Variants in CNBD1 observed in about 807,000 individuals in gnomAD.
The protein encoded by CNBD1 is cyclic nucleotide binding domain containing 1.
Under a neutral mutation model 54.4 loss-of-function variants are expected in CNBD1, and 71 were observed. The ratio of observed to expected loss-of-function variants is 1.30; its 90% CI spans 1.08 to 1.59. CNBD1 has a LOEUF of 1.59. Among genes scored for constraint, CNBD1 ranks in the 40% most tolerant of loss-of-function variants. The probability of loss-of-function intolerance (pLI) is 0.00; values close to 1 mark genes in which losing one functional copy is unlikely to be tolerated. For synonymous variants in CNBD1, 182 were observed against 170.7 expected (o/e 1.07, Z -0.51); for missense variants, 659 against 518.0 (o/e 1.27, Z -2.64).
At chr8:87,177,409 G>T (rs1251990032) in intron 4 of CNBD1, among the ~76,000 whole-genome samples, 3 of 152,318 alleles carry the variant, frequency 2.0e-5, no homozygotes, top group African/African-American at 7.2e-5. Context: ...AAAATTGGGA[G>T]ATGGAGAATT....
At chr8:87,129,686 A>G (rs898432766) in intron 4 of CNBD1, among the ~76,000 whole-genome samples, 7 of 151,876 alleles carry the variant, frequency 4.6e-5, no homozygotes, top group African/African-American at 1.2e-4. Context: ...AAAGATATCT[A>G]TTTCTTTCTA....
intron 6 of CNBD1, among the ~76,000 whole-genome samples, chr8:87,266,764 G>A (rs557338181): frequency 7.5e-4 from 114 of 151,980 alleles, no homozygotes; most frequent in African/African-American, 2.5e-3. Context: ...AAAAGAACTC[G>A]ATGTAGAACA....
chr8:87,401,815 C>T (rs1212280390), intron 2 of CNBD1, among the ~76,000 whole-genome samples: 1 of 151,910 alleles, frequency 6.6e-6, no homozygotes, highest in African/African-American at 2.4e-5. Flanking sequence ...TATGCTTTTC[C>T]ACATTAAGGA....
At chr8:87,264,792 T>A (rs1484932308) in intron 6 of CNBD1, among the ~76,000 whole-genome samples, 2 of 152,202 alleles carry the variant, frequency 1.3e-5, no homozygotes, top group African/African-American at 2.4e-5. Flanking sequence ...GCTGCATAAA[T>A]GTCTTCTTTT....
At chr8:87,083,523 T>G (rs1811037151) in intron 4 of CNBD1, among the ~76,000 whole-genome samples, 1 of 151,800 alleles carries the variant, frequency 6.6e-6, no homozygotes, top group Non-Finnish European at 1.5e-5. Context: ...TCAATTTACC[T>G]ATAGCCTGGA....
At chr8:86,997,004 C>T (rs1326275467) in intron 4 of CNBD1, among the ~76,000 whole-genome samples, 1 of 152,134 alleles carries the variant, frequency 6.6e-6, no homozygotes, top group African/African-American at 2.4e-5. Flanking sequence ...TGCCCTCTGA[C>T]CTAATCATCT....
chr8:86,885,955 AATCTT>A (rs1808675018), intron 1 of CNBD1, among the ~76,000 whole-genome samples: 1 of 152,150 alleles, frequency 6.6e-6, no homozygotes, highest in African/African-American at 2.4e-5. Context: ...AGCAATTCTT[AATCTT>A]ATCTTCTCTG....
intron 6 of CNBD1, among the ~76,000 whole-genome samples, chr8:87,251,596 A>AAG (rs1356108643): frequency 6.5e-5 from 1 of 15,276 alleles, no homozygotes; most frequent in African/African-American, 2.7e-4. Flanking sequence ...CTCAAAAAAG[A>AAG]AAAAAAAAAA....
intron 3 of CNBD1, among the ~76,000 whole-genome samples, chr8:86,907,525 G>A (rs531771822): frequency 3.4e-4 from 52 of 151,998 alleles, no homozygotes; most frequent in African/African-American, 9.9e-4. Context: ...AAAATTAGCC[G>A]GGCATGGTGG....
At chr8:87,324,397 C>A (rs1483539652) in intron 8 of CNBD1, among the ~76,000 whole-genome samples, 1 of 127,288 alleles carries the variant, frequency 7.9e-6, no homozygotes, top group Non-Finnish European at 1.8e-5. Context: ...CCTCCTTGTA[C>A]CTCTGATAGA....
intron 2 of CNBD1, among the ~76,000 whole-genome samples, chr8:87,427,680 GTAGT>G (rs1303739316): frequency 6.6e-6 from 1 of 152,132 alleles, no homozygotes; most frequent in Non-Finnish European, 1.5e-5. Flanking sequence ...AAAAAGTGAA[GTAGT>G]TAAAGAATGA....
intron 4 of CNBD1, among the ~76,000 whole-genome samples, chr8:87,185,735 G>C (rs778184601): frequency 1.1e-4 from 16 of 150,270 alleles, no homozygotes; most frequent in Non-Finnish European, 2.2e-4. Flanking sequence ...TCACATGTGA[G>C]CAATGATAAA....
Position 87,206,151 on chromosome 8 carries a change from T to C in CNBD1, c.577+13T>C, listed in dbSNP as rs757842755. The C allele has an allele frequency of 1.3e-6, 2 of 1,537,486 alleles. No homozygotes were observed. The highest frequency in any genetic ancestry group is 8.7e-7 in the Non-Finnish European group (1 of 1,143,152). ...AAAGGCAGCACAGGTAATAGACTAA[T>C]GTGGGATAAATTTGGCGAGATAAAA... On this transcript the variant is annotated intron_variant, in intron 5 of 10. Coordinates refer to ENST00000518476, the MANE Select transcript of CNBD1 (RefSeq NM_173538.3).
rs1489811526 is a variant in CNBD1 at position 87,325,238 on chromosome 8, T to C, written c.1043-26447T>C. Among the ~76,000 whole-genome samples, 6 of 95,514 alleles carry C rather than the reference T, an allele frequency of 6.3e-5. No individual in the cohort carries two copies. In the East Asian group the frequency reaches 1.3e-3, roughly 20 times the overall value. The allele number at this position is 95,514 out of a possible 152,430, so 62.7% of individuals were successfully genotyped here. A position where few individuals can be genotyped will look rare whatever the true frequency, so the allele number is the denominator to read the frequency against. Reference sequence around the variant, plus strand: ...TTACTTCCAAGTATGTGGTCAATTTTGGAATAGGTGTGGTGTGGTGCTGAA... The same window carrying C: ...TTACTTCCAAGTATGTGGTCAATTTCGGAATAGGTGTGGTGTGGTGCTGAA... On this transcript the variant is annotated intron_variant, in intron 8 of 10. Transcript: ENST00000518476.
At chr8:87,333,791 G>T (rs184935708) in intron 8 of CNBD1, among the ~76,000 whole-genome samples, 1 of 152,030 alleles carries the variant, frequency 6.6e-6, no homozygotes, top group Non-Finnish European at 1.5e-5. Flanking sequence ...GAGGATTTTC[G>T]CACCAGTGTT....
At chr8:87,411,514 C>G (rs1420756235) in intron 2 of CNBD1, among the ~76,000 whole-genome samples, 1 of 148,248 alleles carries the variant, frequency 6.7e-6, no homozygotes, top group Non-Finnish European at 1.5e-5. Context: ...CATATCCAAC[C>G]AATTAAGCCA....
intron 4 of CNBD1, among the ~76,000 whole-genome samples, chr8:87,025,220 G>A (rs940458389): frequency 2.0e-5 from 3 of 149,884 alleles, no homozygotes; most frequent in Admixed American, 2.0e-4. Flanking sequence ...ACCAATCAGC[G>A]CTCTGTAAAA....
At chr8:87,383,802 G>A (rs1811135041), downstream of CNBD1, among the ~76,000 whole-genome samples, 1 of 152,088 alleles carries the variant, frequency 6.6e-6, no homozygotes, top group Non-Finnish European at 1.5e-5. Flanking sequence ...CCTAAGGTTA[G>A]AAAAGATAAA....
intron 4 of CNBD1, among the ~76,000 whole-genome samples, chr8:87,132,237 G>A (rs887729167): frequency 2.6e-5 from 4 of 151,450 alleles, no homozygotes; most frequent in Non-Finnish European, 4.4e-5. Flanking sequence ...ATAATTAATG[G>A]CACTAATAAC....
Sources: allele counts gnomAD v4.1 joint callset (sites outside exome capture counted in the v4.1 genomes callset), GRCh38; gene constraint gnomAD v4.1.1; transcripts MANE v1.5; gene names NCBI Gene and HGNC (gene_info 2026-07-23, HGNC 2026-07-21).